Variants in COG7 observed in about 807,000 individuals in gnomAD.
The protein encoded by COG7 is component of oligomeric golgi complex 7, also known as conserved oligomeric Golgi complex subunit 7.
In COG7, 49 loss-of-function variants were observed where a neutral mutation model predicts 91.5. The observed-to-expected ratio is 0.54, with a 90% confidence interval of 0.43 to 0.68. The LOEUF (loss-of-function observed/expected upper bound fraction) is 0.68, where lower values mean the gene tolerates loss of function less well. Among genes scored for constraint, COG7 ranks in the 30% least tolerant of loss-of-function variants. COG7 has a pLI of 0.00. For missense variants in COG7, 895 were observed against 961.3 expected, an observed-to-expected ratio of 0.93 and a Z score of 0.91; for synonymous variants, 365 against 388.7, an observed-to-expected ratio of 0.94 and a Z score of 0.72.
chr16:23,393,709 C>T (rs542670932), intron 14 of COG7: 6 of 278,850 alleles, frequency 2.2e-5, no homozygotes, highest in South Asian at 1.8e-4. Flanking sequence ...CAGTAAGATA[C>T]TAGTGTCAGA....
chr16:23,449,380 TTAAAATAAAATAAAATAAAATAAAA>T (rs373494185), intron 1 of COG7, among the ~76,000 whole-genome samples: 1 of 134,658 alleles, frequency 7.4e-6, no homozygotes, highest in African/African-American at 2.8e-5. Context: ...TAAAATTAAA[TTAAAATAAAATAAAATAAAATAAAA>T]TAAAATAAAA....
chr16:23,442,623 T>C lies in COG7; in HGVS notation c.458A>G (p.Lys153Arg). 1.2e-6 allele frequency: 2 copies of C among 1,614,024 alleles called. No homozygotes were observed. Among genetic ancestry groups the C allele is most frequent in the South Asian group, 1.1e-5 (1 of 91,084 alleles). The change falls in exon 4 of 17, where the codon AAG becomes AGG. Residue 153 changes from lysine to arginine, a missense_variant. Physicochemically the swap from Lys to Arg is conservative, Grantham distance 26. Transcript: ENST00000307149. ...TAAGCTGTTCTGCATACCTGTTAGC[T>C]TGGCAGAAATCACAGCTATGTCCTA... ...KTQDIAVISA[K>R]LTGMQNSLMM... is the part of the protein sequence containing the mutation.
intron 4 of COG7, among the ~76,000 whole-genome samples, chr16:23,439,677 T>C (rs892615626): frequency 3.3e-5 from 5 of 152,140 alleles, no homozygotes; most frequent in African/African-American, 7.2e-5. Context: ...AGAATGATGA[T>C]TGCTGGCAGG....
intron 4 of COG7, among the ~76,000 whole-genome samples, chr16:23,437,962 G>A (rs1964037392): frequency 6.6e-6 from 1 of 151,914 alleles, no homozygotes; most frequent in East Asian, 1.9e-4. Context: ...GCACACGCCT[G>A]TAGTCCCAGC....
Position 23,424,794 on chromosome 16 carries a change from C to T in COG7, c.964G>A (p.Ala322Thr), listed in dbSNP as rs201584244. The change falls in exon 7 of 17, where the codon GCC becomes ACC. Residue 322 changes from alanine (A) to threonine (T), a missense_variant. Coordinates refer to ENST00000307149, the MANE Select transcript of COG7 (RefSeq NM_153603.4). ...ATCTCCAAGCCCTTGGCGAAGTGGGCGGTGGCGTCGTAGAACTCCAGCAGC... is the reference window on the plus strand; with the variant it reads ...ATCTCCAAGCCCTTGGCGAAGTGGGTGGTGGCGTCGTAGAACTCCAGCAGC... ...TRLLEFYDAT[A>T]HFAKGLEMAL... is the part of the protein sequence containing the mutation. The T allele has an allele frequency of 5.8e-5, 93 of 1,614,084 alleles. No individual in the cohort carries two copies. Among genetic ancestry groups the T allele is most frequent in the Admixed American group, 4.0e-4 (24 of 59,996 alleles).
intron 6 of COG7, 84 bp from the exon 7 acceptor site, chr16:23,425,031 C>T: frequency 1.7e-6 from 2 of 1,189,726 alleles, no homozygotes; most frequent in Non-Finnish European, 2.4e-6. Context: ...TTTGAGATGC[C>T]AGGCACGGTG....
Position 23,443,560 on chromosome 16 carries a change from G to A in COG7, c.436-915C>T, listed in dbSNP as rs181926270. ...ACAAAAATTAGCCAGGCATGGTGGC[G>A]TCCACCTGTAATCCCAGCTACTCGG... is the stretch of plus-strand genomic sequence containing the variant. On this transcript the variant is annotated intron_variant, in intron 3 of 16. Coordinates refer to ENST00000307149, the MANE Select transcript of COG7 (RefSeq NM_153603.4). 3.5e-3 allele frequency among the ~76,000 whole-genome samples: 532 copies of A among 151,632 alleles called. 2 individuals carry two copies. Among genetic ancestry groups the A allele is most frequent in the Non-Finnish European group, 6.1e-3 (414 of 67,890 alleles).
intron 7 of COG7, among the ~76,000 whole-genome samples, chr16:23,423,436 G>C (rs1221576639): frequency 6.6e-6 from 1 of 152,156 alleles, no homozygotes; most frequent in Non-Finnish European, 1.5e-5. Flanking sequence ...CATCCCCAGG[G>C]GAAGGATGCA....
At position 23,417,633 on chromosome 16, in the gene COG7, C is replaced by A. The variant is rs895510553; in HGVS notation, c.1138-512G>T. ...AATTAGCCTGGCATGGTGACATGCA[C>A]CTGTAGTCCCAACTACTGGGAAGCT... On this transcript the variant is annotated intron_variant, in intron 8 of 16. Coordinates refer to ENST00000307149, the MANE Select transcript of COG7 (RefSeq NM_153603.4). 3.3e-5 allele frequency among the ~76,000 whole-genome samples: 5 copies of A among 151,986 alleles called. No homozygotes were observed. In the East Asian group the frequency reaches 5.8e-4, roughly 18 times the overall value.
intron 12 of COG7, among the ~76,000 whole-genome samples, chr16:23,404,717 C>A (rs755455635): frequency 6.6e-6 from 1 of 152,174 alleles, no homozygotes; most frequent in Non-Finnish European, 1.5e-5. Flanking sequence ...GTCAGGAGTT[C>A]GAGGCCAGCC....
intron 6 of COG7, among the ~76,000 whole-genome samples, chr16:23,432,386 C>T (rs536017478): frequency 6.6e-6 from 1 of 152,232 alleles, no homozygotes; most frequent in South Asian, 2.1e-4. Flanking sequence ...TCGTAGATGA[C>T]CTGCTTCTAG....
At chr16:23,428,852 C>T (rs1440354894) in intron 6 of COG7, among the ~76,000 whole-genome samples, 3 of 151,976 alleles carry the variant, frequency 2.0e-5, no homozygotes, top group Admixed American at 6.6e-5. Context: ...CCACCATGGC[C>T]GGCTAATTTT....
At chr16:23,395,759 T>C (rs1306764902) in intron 14 of COG7, among the ~76,000 whole-genome samples, 2 of 152,242 alleles carry the variant, frequency 1.3e-5, no homozygotes, top group Non-Finnish European at 2.9e-5. Context: ...ATTTGTCTAC[T>C]ATTCTCACAT....
rs148424630 is a variant in COG7, at chr16:23,393,093, T to C, written c.2002+140A>G. 4,283 of 706,222 alleles carry C rather than the reference T, an allele frequency of 6.1e-3. 26 individuals are homozygous for C. Among genetic ancestry groups the C allele is most frequent in the Non-Finnish European group, 5.6e-3 (2,149 of 386,480 alleles). The allele number at this position is 706,222 out of a possible 1,614,324, so 43.7% of individuals were successfully genotyped here. On this transcript the variant is annotated intron_variant, in intron 15 of 16. Transcript: ENST00000307149. ...GATATTGTTTTAGATACAGCATGTG[T>C]ACAAAAAGTACATGTTAGAAGGTTA...
chr16:23,405,752 G>A (rs1963450627), intron 12 of COG7, among the ~76,000 whole-genome samples: 2 of 151,812 alleles, frequency 1.3e-5, no homozygotes, highest in African/African-American at 4.8e-5. Flanking sequence ...CCTGACCTCA[G>A]GGGATCCACC....
Position 23,453,078 on chromosome 16 carries a change from G to T in COG7, c.-84C>A. 6.3e-7 allele frequency: 1 copy of T among 1,592,046 alleles called. No individual in the cohort carries two copies. Among genetic ancestry groups the T allele is most frequent in the South Asian group, 1.1e-5 (1 of 88,820 alleles). Reference sequence around the variant, plus strand: ...GGGATGCAGAAGCGAGCGAGCCTGCGAGAGCACCGAGGCTAGCCTCCGAGG... The same window carrying T: ...GGGATGCAGAAGCGAGCGAGCCTGCTAGAGCACCGAGGCTAGCCTCCGAGG... On this transcript the variant is annotated 5_prime_UTR_variant, in exon 1 of 17. Transcript: ENST00000307149.
intron 5 of COG7, among the ~76,000 whole-genome samples, 199 bp downstream of exon 5, chr16:23,434,437 G>A (rs1425826261): frequency 6.6e-6 from 1 of 152,152 alleles, no homozygotes; most frequent in Non-Finnish European, 1.5e-5. Context: ...GAATGAAAAC[G>A]GATAACTTTT....
intron 5 of COG7, 148 bp from the exon 6 acceptor site, chr16:23,433,815 GC>G: frequency 2.6e-6 from 2 of 756,852 alleles, no homozygotes; most frequent in African/African-American, 2.1e-5. Context: ...TCAAAGAAAG[GC>G]AGGAAAAAAA....
intron 8 of COG7, among the ~76,000 whole-genome samples, chr16:23,417,649 C>T (rs1012087580): frequency 6.6e-6 from 1 of 152,080 alleles, no homozygotes; most frequent in Non-Finnish European, 1.5e-5. Flanking sequence ...GTCCCAACTA[C>T]TGGGAAGCTG....
Sources: allele counts gnomAD v4.1 joint callset (sites outside exome capture counted in the v4.1 genomes callset), GRCh38; gene constraint gnomAD v4.1.1; transcripts MANE v1.5; gene names NCBI Gene and HGNC (gene_info 2026-07-23, HGNC 2026-07-21).